Variants in DCLK1 observed in about 807,000 individuals in gnomAD.
The protein encoded by DCLK1 is serine/threonine-protein kinase DCLK1.
Under a neutral mutation model 86.2 loss-of-function variants are expected in DCLK1, and 16 were observed. That is an observed-to-expected ratio of 0.19 (90% CI 0.13 to 0.28). The LOEUF is 0.28. DCLK1 is among the 10% of genes least tolerant of loss of function. The pLI, the probability that DCLK1 is intolerant of heterozygous loss-of-function variation, is 1.00. For missense variants in DCLK1, 590 were observed against 940.2 expected (o/e 0.63, Z 4.87); for synonymous variants, 369 against 370.5 (o/e 1.00, Z 0.05).
chr13:36,125,712 C>A, intron 2 of DCLK1, 50 bp downstream of exon 2: 1 of 1,563,270 alleles, frequency 6.4e-7, no homozygotes, highest in Non-Finnish European at 8.7e-7. Context: ...CACTGGAAAT[C>A]TGAGCCTGGA....
intron 4 of DCLK1, among the ~76,000 whole-genome samples, chr13:35,938,352 AGG>A (rs1876886059): frequency 6.6e-6 from 1 of 151,842 alleles, no homozygotes; most frequent in Admixed American, 6.6e-5. Context: ...GCACTAGGCC[AGG>A]TGCAGTGGCT....
intron 3 of DCLK1, among the ~76,000 whole-genome samples, chr13:36,029,554 C>A (rs1223866384): frequency 6.6e-6 from 1 of 152,104 alleles, no homozygotes; most frequent in East Asian, 1.9e-4. Flanking sequence ...ATACTAGACT[C>A]TACTAAACAA....
At chr13:36,100,028 G>A (rs1229128847) in intron 3 of DCLK1, among the ~76,000 whole-genome samples, 2 of 151,802 alleles carry the variant, frequency 1.3e-5, no homozygotes, top group Non-Finnish European at 2.9e-5. Flanking sequence ...TAAATAAAGA[G>A]AAAAGCAATT....
intron 5 of DCLK1, among the ~76,000 whole-genome samples, chr13:35,863,992 G>A (rs1871589075): frequency 1.3e-5 from 2 of 152,186 alleles, no homozygotes; most frequent in Admixed American, 6.5e-5. Context: ...CATGGTAGAT[G>A]CTCATTAACT....
intron 3 of DCLK1, among the ~76,000 whole-genome samples, chr13:35,965,048 G>A (rs1878658427): frequency 6.6e-6 from 1 of 152,112 alleles, no homozygotes; most frequent in Non-Finnish European, 1.5e-5. Context: ...CATAACTTAA[G>A]TTGCTCTAAC....
intron 3 of DCLK1, among the ~76,000 whole-genome samples, chr13:36,041,560 G>A (rs1714803839): frequency 6.6e-6 from 1 of 152,104 alleles, no homozygotes; most frequent in Non-Finnish European, 1.5e-5. Context: ...CAGTTAGATT[G>A]TTTTTGTCTC....
intron 3 of DCLK1, among the ~76,000 whole-genome samples, chr13:36,074,417 G>C (rs1884094726): frequency 7.7e-6 from 1 of 129,240 alleles, no homozygotes; most frequent in African/African-American, 2.9e-5. Flanking sequence ...TGAACCCTGG[G>C]GGGCGGAGCC....
intron 3 of DCLK1, among the ~76,000 whole-genome samples, chr13:35,962,720 G>A (rs1384068632): frequency 6.6e-6 from 1 of 152,096 alleles, no homozygotes; most frequent in Non-Finnish European, 1.5e-5. Context: ...GGTTTTAGAG[G>A]AAAACTCTAA....
rs1345760318 is a variant in DCLK1 at position 35,771,568 on chromosome 13, T to C, written c.*2967A>G. ...TAATATGAACACATGTCTACAGAGA[T>C]GATTTACACGATGCAAGTAATGAAA... On this transcript the variant is annotated 3_prime_UTR_variant, in exon 17 of 17. Transcript: ENST00000360631. 2 of 152,150 alleles carry C rather than the reference T, an allele frequency of 1.3e-5. No individual in the cohort carries two copies. Among genetic ancestry groups the C allele is most frequent in the Admixed American group, 1.3e-4 (2 of 15,282 alleles). 9.4% of individuals were successfully genotyped at this position (152,150 alleles called of 1,614,324 possible).
intron 3 of DCLK1, among the ~76,000 whole-genome samples, chr13:36,096,461 C>T (rs1402076143): frequency 1.3e-5 from 2 of 152,314 alleles, no homozygotes; most frequent in East Asian, 3.9e-4. Flanking sequence ...CCAGGTGCAG[C>T]TTTACTGTAC....
chr13:35,807,125 A>C (rs2087043328), intron 14 of DCLK1, among the ~76,000 whole-genome samples: 1 of 152,256 alleles, frequency 6.6e-6, no homozygotes, highest in Admixed American at 6.5e-5. Flanking sequence ...AAAAAGAGCA[A>C]TGAAAAGGTT....
chr13:36,119,599 AATG>A (rs1885908550), intron 2 of DCLK1, among the ~76,000 whole-genome samples: 1 of 152,184 alleles, frequency 6.6e-6, no homozygotes. Flanking sequence ...TACCCCCTGA[AATG>A]ATGTACTGAG....
At chr13:35,919,039 T>C (rs959164516) in intron 4 of DCLK1, among the ~76,000 whole-genome samples, 2 of 151,822 alleles carry the variant, frequency 1.3e-5, no homozygotes, top group East Asian at 3.9e-4. Context: ...GTAGCTGTGG[T>C]TACAGGCATG....
In DCLK1 at chr13:35,770,576, G is replaced by T. The variant is rs1276676585; in HGVS notation, c.*3959C>A. ...TGGCAGACAATGTGTAGAAAAATCTGAGTTTTGAACTGACCAACTTCAAGT... is the reference window on the plus strand; with the variant it reads ...TGGCAGACAATGTGTAGAAAAATCTTAGTTTTGAACTGACCAACTTCAAGT... On this transcript the variant is annotated 3_prime_UTR_variant, in exon 17 of 17. Coordinates refer to ENST00000360631, the MANE Select transcript of DCLK1 (RefSeq NM_001330071.2). 6.6e-6 allele frequency: 1 copy of T among 152,090 alleles called. No homozygotes were observed. The highest frequency in any genetic ancestry group is 1.5e-5 in the Non-Finnish European group (1 of 68,026). The allele number at this position is 152,090 out of a possible 1,614,324, so 9.4% of individuals were successfully genotyped here. A position where few individuals can be genotyped will look rare whatever the true frequency, so the allele number is the denominator to read the frequency against.
chr13:35,812,436 C>G (rs916430300), intron 11 of DCLK1, among the ~76,000 whole-genome samples: 2 of 152,180 alleles, frequency 1.3e-5, no homozygotes, highest in African/African-American at 4.8e-5. Flanking sequence ...CTGTTACTTG[C>G]TGCAGTAGTT....
intron 11 of DCLK1, among the ~76,000 whole-genome samples, chr13:35,814,392 G>C (rs2087221777): frequency 6.6e-6 from 1 of 152,194 alleles, no homozygotes; most frequent in African/African-American, 2.4e-5. Context: ...CTTCTAACAA[G>C]TTCACATTGA....
chr13:36,042,890 A>G (rs544584850), intron 3 of DCLK1, among the ~76,000 whole-genome samples: 2 of 152,254 alleles, frequency 1.3e-5, no homozygotes, highest in Admixed American at 6.5e-5. Context: ...GAAAACATTC[A>G]AACACATTTA....
chr13:35,861,310 G>C (rs533626698), intron 5 of DCLK1, among the ~76,000 whole-genome samples: 70 of 152,274 alleles, frequency 4.6e-4, no homozygotes, highest in African/African-American at 1.6e-3. Context: ...GAAATTTTTG[G>C]ATCTGATCCC....
intron 3 of DCLK1, among the ~76,000 whole-genome samples, chr13:36,053,199 G>A (rs1284994405): frequency 6.6e-6 from 1 of 152,180 alleles, no homozygotes; most frequent in Non-Finnish European, 1.5e-5. Flanking sequence ...CACATTGATT[G>A]AGTGCCTACT....
Sources: gnomAD v4.1 joint callset for allele counts (sites outside exome capture counted in the v4.1 genomes callset) on GRCh38, gnomAD v4.1.1 for gene constraint, MANE v1.5 for transcripts, NCBI Gene and HGNC (gene_info 2026-07-23, HGNC 2026-07-21) for gene names.